AUTS2: variants seen among roughly 807,000 people sequenced by gnomAD.
AUTS2 encodes activator of transcription and developmental regulator AUTS2.
Under a neutral mutation model 112.4 loss-of-function variants are expected in AUTS2, and 17 were observed. The observed-to-expected ratio is 0.15, with a 90% CI of 0.10 to 0.23. AUTS2 has a LOEUF of 0.23. Among genes scored for constraint, AUTS2 ranks in the 10% least tolerant of loss-of-function variants. The pLI is 1.00. For synonymous variants in AUTS2, 751 were observed against 702.7 expected (o/e 1.07, Z -1.09); for missense variants, 1,510 against 1,701.6 (o/e 0.89, Z 1.98).
chr7:69,722,382 T>A (rs1020809605), intron 1 of AUTS2, among the ~76,000 whole-genome samples: 3 of 151,460 alleles, frequency 2.0e-5, no homozygotes, highest in Non-Finnish European at 1.5e-5. Context: ...TTCTACATTT[T>A]TTTTTTTTTT....
At chr7:70,420,204 A>G (rs1795159841) in intron 4 of AUTS2, among the ~76,000 whole-genome samples, 1 of 152,156 alleles carries the variant, frequency 6.6e-6, no homozygotes, top group Non-Finnish European at 1.5e-5. Flanking sequence ...TACTCAAGCC[A>G]GCGCTTATAA....
At chr7:69,632,897 T>A (rs1794331066) in intron 1 of AUTS2, among the ~76,000 whole-genome samples, 1 of 152,118 alleles carries the variant, frequency 6.6e-6, no homozygotes, top group Non-Finnish European at 1.5e-5. Context: ...ATATATAAGA[T>A]TATAGGATGC....
chr7:70,343,681 G>C (rs532823597), intron 4 of AUTS2, among the ~76,000 whole-genome samples: 1 of 152,186 alleles, frequency 6.6e-6, no homozygotes, highest in Admixed American at 6.5e-5. Context: ...ACAAGGGAGA[G>C]TCTTAAGGGG....
At position 69,609,356 on chromosome 7, in the gene AUTS2, C is replaced by T. The variant is rs569263971; in HGVS notation, c.309+9394C>T. Among the ~76,000 whole-genome samples the T allele has an allele frequency of 2.6e-5, 4 of 152,278 alleles. No individual in the cohort carries two copies. In the South Asian group the frequency reaches 6.2e-4, roughly 24 times the overall value. Reference sequence around the variant, plus strand: ...CACAATATCAAGAACCTTTAAAAAGCGTTGTTCTCTCCCTGCGCTCTCTCC... The same window carrying T: ...CACAATATCAAGAACCTTTAAAAAGTGTTGTTCTCTCCCTGCGCTCTCTCC... On this transcript the variant is annotated intron_variant, in intron 1 of 18. Transcript: ENST00000342771.
intron 2 of AUTS2, among the ~76,000 whole-genome samples, chr7:69,936,320 G>C (rs916198877): frequency 6.6e-6 from 1 of 152,008 alleles, no homozygotes; most frequent in Non-Finnish European, 1.5e-5. Context: ...TACACCATCT[G>C]CCCATTGGGA....
intron 2 of AUTS2, among the ~76,000 whole-genome samples, chr7:69,961,212 G>A (rs1203323536): frequency 6.6e-6 from 1 of 152,106 alleles, no homozygotes; most frequent in African/African-American, 2.4e-5. Flanking sequence ...AATGTAACTG[G>A]TAAGGATCAG....
At chr7:70,128,410 A>G (rs1184058219) in intron 3 of AUTS2, among the ~76,000 whole-genome samples, 1 of 152,220 alleles carries the variant, frequency 6.6e-6, no homozygotes, top group African/African-American at 2.4e-5. Flanking sequence ...TGACATAAAC[A>G]ATATGAAGGG....
At chr7:70,294,404 T>C (rs1300727709) in intron 4 of AUTS2, among the ~76,000 whole-genome samples, 1 of 152,196 alleles carries the variant, frequency 6.6e-6, no homozygotes, top group Non-Finnish European at 1.5e-5. Flanking sequence ...CATCCTCTCT[T>C]CCTTTCCCAT....
intron 11 of AUTS2, among the ~76,000 whole-genome samples, chr7:70,772,926 G>A (rs1268707957): frequency 2.0e-5 from 3 of 152,200 alleles, no homozygotes; most frequent in Non-Finnish European, 4.4e-5. Context: ...AGACTGGTAG[G>A]TCATTTAATA....
At chr7:69,719,021 C>T in intron 1 of AUTS2, among the ~76,000 whole-genome samples, 1 of 152,318 alleles carries the variant, frequency 6.6e-6, no homozygotes, top group Middle Eastern at 3.4e-3. Context: ...TTTGCACACA[C>T]ATTGTTACAT....
chr7:70,061,787 T>TC, intron 2 of AUTS2, among the ~76,000 whole-genome samples: 1 of 151,888 alleles, frequency 6.6e-6, no homozygotes, highest in Admixed American at 6.6e-5. Flanking sequence ...TCTTCTTTTT[T>TC]TTTTTTTTGC....
At chr7:69,842,619 A>G (rs1252370394) in intron 1 of AUTS2, among the ~76,000 whole-genome samples, 3 of 152,182 alleles carry the variant, frequency 2.0e-5, no homozygotes, top group Non-Finnish European at 4.4e-5. Context: ...AAAGTAGTTT[A>G]CTTTGTTCAA....
chr7:69,861,032 C>T (rs1792957178), intron 1 of AUTS2, among the ~76,000 whole-genome samples: 2 of 152,080 alleles, frequency 1.3e-5, no homozygotes, highest in South Asian at 4.1e-4. Flanking sequence ...GAAAACAAAG[C>T]CCACCTCACA....
intron 2 of AUTS2, among the ~76,000 whole-genome samples, chr7:70,031,785 A>G (rs1317833301): frequency 6.6e-6 from 1 of 152,154 alleles, no homozygotes; most frequent in Non-Finnish European, 1.5e-5. Context: ...AAATCAATTT[A>G]TTTAGCACCT....
chr7:70,714,418 A>G (rs1237735667), intron 6 of AUTS2, among the ~76,000 whole-genome samples: 1 of 152,088 alleles, frequency 6.6e-6, no homozygotes, highest in African/African-American at 2.4e-5. Context: ...TCTATAAAAA[A>G]GAACATTTCT....
At chr7:70,383,194 G>A (rs190018438) in intron 4 of AUTS2, among the ~76,000 whole-genome samples, 1 of 152,008 alleles carries the variant, frequency 6.6e-6, no homozygotes, top group South Asian at 2.1e-4. Flanking sequence ...AGTAGAAGAT[G>A]AGAGGAGGAG....
chr7:70,790,664 G>A lies in AUTS2; in HGVS notation c.3448G>A (p.Asp1150Asn), dbSNP rs1297199327. ...RREHERGGHLDERERLHMLRE... is the reference protein window; with the variant it reads ...RREHERGGHLNERERLHMLRE... ...GGAGCACGAGCGGGGAGGCCACCTG[G>A]ACGAGCGGGAGCGCTTGCACATGCT... The change falls in exon 19 of 19, where the codon GAC becomes AAC. Residue 1150 changes from aspartate (D) to asparagine (N), a missense_variant. Asp to Asn is a conservative substitution (Grantham distance 23). Coordinates refer to ENST00000342771, the MANE Select transcript of AUTS2 (RefSeq NM_015570.4). This position sits in a 1 kb window ranked among gnomAD's most constrained non-coding sequence, Gnocchi z 7.6. 1.9e-6 allele frequency: 3 copies of A among 1,613,416 alleles called. No homozygotes were observed. Among genetic ancestry groups the A allele is most frequent in the Non-Finnish European group, 2.5e-6 (3 of 1,179,820 alleles).
chr7:69,928,763 G>A (rs1796123363), intron 2 of AUTS2, among the ~76,000 whole-genome samples: 1 of 152,034 alleles, frequency 6.6e-6, no homozygotes, highest in African/African-American at 2.4e-5. Flanking sequence ...GCCACATCTA[G>A]GCAGCTGCAG....
chr7:69,796,253 C>G (rs1584258590), intron 1 of AUTS2, among the ~76,000 whole-genome samples: 1 of 152,158 alleles, frequency 6.6e-6, no homozygotes, highest in African/African-American at 2.4e-5. Context: ...TGTGGTAACT[C>G]ACTCCTGTAA....
Sources: gnomAD v4.1 joint callset for allele counts (sites outside exome capture counted in the v4.1 genomes callset) on GRCh38, gnomAD v4.1.1 for gene constraint, Gnocchi (gnomAD v3.1) non-coding constraint, MANE v1.5 for transcripts, NCBI Gene and HGNC (gene_info 2026-07-23, HGNC 2026-07-21) for gene names.